AGBL4: variants seen among roughly 807,000 people sequenced by gnomAD.
AGBL4 encodes cytosolic carboxypeptidase 6.
AGBL4 carries 58 observed loss-of-function variants against 66.4 expected under a neutral mutation model. The observed-to-expected ratio is 0.87, with a 90% CI of 0.71 to 1.09. AGBL4 has a LOEUF of 1.09. Among genes scored for constraint, AGBL4 ranks in the 50% least tolerant of loss-of-function variants. The probability of loss-of-function intolerance (pLI) is 0.00; values close to 1 mark genes in which losing one functional copy is unlikely to be tolerated. For synonymous variants in AGBL4, 234 were observed against 222.9 expected, an observed-to-expected ratio of 1.05 and a Z score of -0.44; for missense variants, 579 against 631.0, an observed-to-expected ratio of 0.92 and a Z score of 0.88.
chr1:49,262,608 A>T (rs1489542014), intron 3 of AGBL4, among the ~76,000 whole-genome samples: 1 of 150,582 alleles, frequency 6.6e-6, no homozygotes, highest in Non-Finnish European at 1.5e-5. Flanking sequence ...ACAATGAGAT[A>T]CCATCTCACA....
chr1:49,416,895 A>T (rs766181127), intron 3 of AGBL4, among the ~76,000 whole-genome samples: 1 of 152,144 alleles, frequency 6.6e-6, no homozygotes, highest in African/African-American at 2.4e-5. Flanking sequence ...TACAAGAAAA[A>T]CATGAATACA....
chr1:49,044,641 A>T (rs1644031357), intron 5 of AGBL4, among the ~76,000 whole-genome samples: 1 of 152,182 alleles, frequency 6.6e-6, no homozygotes, highest in African/African-American at 2.4e-5. Context: ...TAAGATAAAG[A>T]TCTTGCTATA....
chr1:48,733,993 C>A (rs1648595009), intron 6 of AGBL4, among the ~76,000 whole-genome samples: 1 of 152,152 alleles, frequency 6.6e-6, no homozygotes, highest in African/African-American at 2.4e-5. Flanking sequence ...CACCCAGGAC[C>A]TCCTGAGTCA....
At chr1:49,689,922 C>T (rs992206985) in intron 3 of AGBL4, among the ~76,000 whole-genome samples, 1 of 152,164 alleles carries the variant, frequency 6.6e-6, no homozygotes, top group Non-Finnish European at 1.5e-5. Context: ...CAGAGAGCTT[C>T]ACCTGCTACA....
chr1:49,954,875 A>G (rs1656462774), intron 1 of AGBL4, among the ~76,000 whole-genome samples: 1 of 151,738 alleles, frequency 6.6e-6, no homozygotes, highest in Non-Finnish European at 1.5e-5. Flanking sequence ...CCATGAGGCT[A>G]TACCTACTAC....
intron 3 of AGBL4, among the ~76,000 whole-genome samples, chr1:49,664,412 A>G (rs928654250): frequency 2.0e-4 from 31 of 152,106 alleles, no homozygotes; most frequent in African/African-American, 7.0e-4. Context: ...CATAATTTTT[A>G]ATGTAGTCTT....
intron 3 of AGBL4, among the ~76,000 whole-genome samples, chr1:49,400,472 A>C (rs1645061173): frequency 6.6e-6 from 1 of 151,824 alleles, no homozygotes; most frequent in Non-Finnish European, 1.5e-5. Context: ...TGCTTTGGAG[A>C]GTATAAACAT....
intron 3 of AGBL4, among the ~76,000 whole-genome samples, chr1:49,288,275 T>G: frequency 6.8e-6 from 1 of 147,314 alleles, no homozygotes; most frequent in Non-Finnish European, 1.5e-5. Flanking sequence ...GATGACGAGT[T>G]AGTGGGTGCA....
intron 3 of AGBL4, among the ~76,000 whole-genome samples, chr1:49,655,741 T>A (rs556698519): frequency 1.3e-5 from 2 of 152,272 alleles, no homozygotes; most frequent in South Asian, 4.1e-4. Flanking sequence ...CAAAATCTCT[T>A]CAAAAAATCA....
chr1:49,951,422 A>C (rs906401280), intron 1 of AGBL4, among the ~76,000 whole-genome samples: 8 of 151,952 alleles, frequency 5.3e-5, no homozygotes, highest in African/African-American at 1.2e-4. Context: ...CTGCAAAAAA[A>C]CACAACTTTG....
At chr1:49,825,368 A>T (rs1032835814) in intron 2 of AGBL4, among the ~76,000 whole-genome samples, 2 of 152,220 alleles carry the variant, frequency 1.3e-5, no homozygotes, top group African/African-American at 2.4e-5. Context: ...GACATTTACC[A>T]AGTGCCTACT....
At position 49,058,612 on chromosome 1, in the gene AGBL4, G is replaced by A. The variant is rs116271645; in HGVS notation, c.378-12812C>T. On this transcript the variant is annotated intron_variant, in intron 4 of 13. Coordinates refer to ENST00000371839, the MANE Select transcript of AGBL4 (RefSeq NM_032785.4). ...GTATCATAGAGAGTGGGGCACTGCT[G>A]TAAAGATACCCCAAATGTGGAACTG... is the stretch of plus-strand genomic sequence containing the variant. Among the ~76,000 whole-genome samples the A allele has an allele frequency of 5.4e-3, 824 of 152,346 alleles. 12 individuals are homozygous for A. Among genetic ancestry groups the A allele is most frequent in the Non-Finnish European group, 5.6e-3 (383 of 68,018 alleles).
In AGBL4 at chr1:49,351,301, C is replaced by G. The variant is rs563966184; in HGVS notation, c.283-105437G>C. ...GGCAAGTTCTGCTTCTACCAGTGGT[C>G]TGAATGTGGTCTTTTCAGGTTCCAG... is the stretch of plus-strand genomic sequence containing the variant. On this transcript the variant is annotated intron_variant, in intron 3 of 13. Coordinates refer to ENST00000371839, the MANE Select transcript of AGBL4 (RefSeq NM_032785.4). Among the ~76,000 whole-genome samples the G allele has an allele frequency of 1.7e-4, 26 of 152,206 alleles. 1 individual carries two copies. The South Asian group carries it at 5.2e-3, about 30-fold the overall frequency.
At chr1:49,809,676 C>T (rs960337047) in intron 2 of AGBL4, among the ~76,000 whole-genome samples, 5 of 151,954 alleles carry the variant, frequency 3.3e-5, no homozygotes, top group Admixed American at 3.3e-4. Flanking sequence ...GTTCTTACCA[C>T]AATAAAAAAT....
intron 4 of AGBL4, among the ~76,000 whole-genome samples, chr1:49,179,223 A>G (rs546701524): frequency 1.4e-4 from 22 of 152,250 alleles, no homozygotes; most frequent in African/African-American, 5.3e-4. Context: ...ACCAGTAAGG[A>G]GGCTATTGCA....
At chr1:48,790,275 C>T (rs1170909446) in intron 6 of AGBL4, among the ~76,000 whole-genome samples, 1 of 152,040 alleles carries the variant, frequency 6.6e-6, no homozygotes, top group Non-Finnish European at 1.5e-5. Flanking sequence ...GTCGGTCATG[C>T]CAGAGAGTGC....
intron 4 of AGBL4, among the ~76,000 whole-genome samples, chr1:49,190,364 T>C (rs1647093732): frequency 6.6e-6 from 1 of 152,200 alleles, no homozygotes; most frequent in African/African-American, 2.4e-5. Flanking sequence ...TCCTTTATTA[T>C]ATTGTTTAAA....
chr1:49,212,114 ATCTG>A (rs1648718198), intron 4 of AGBL4, among the ~76,000 whole-genome samples: 1 of 152,266 alleles, frequency 6.6e-6, no homozygotes, highest in East Asian at 1.9e-4. Context: ...ATGGAAACAA[ATCTG>A]TCTGTCTCCA....
At chr1:48,560,433 C>G (rs1279816448) in intron 11 of AGBL4, among the ~76,000 whole-genome samples, 1 of 152,126 alleles carries the variant, frequency 6.6e-6, no homozygotes, top group Admixed American at 6.5e-5. Flanking sequence ...ACTGGTGAGT[C>G]TTGTGAGGTT....
Sources: gnomAD v4.1 joint callset for allele counts (sites outside exome capture counted in the v4.1 genomes callset) on GRCh38, gnomAD v4.1.1 for gene constraint, MANE v1.5 for transcripts, NCBI Gene and HGNC (gene_info 2026-07-23, HGNC 2026-07-21) for gene names.